PHF14: variants seen among roughly 807,000 people sequenced by gnomAD.
The protein encoded by PHF14 is PHD finger protein 14.
A neutral mutation model predicts 117.9 loss-of-function variants in PHF14; 55 were observed. That is an observed-to-expected ratio of 0.47 (90% confidence interval 0.38 to 0.58). The LOEUF (loss-of-function observed/expected upper bound fraction) is 0.58, where lower values mean the gene tolerates loss of function less well. Among genes scored for constraint, PHF14 ranks in the 20% least tolerant of loss-of-function variants. The pLI is 0.00. For missense variants in PHF14, 978 were observed against 1,122.2 expected (o/e 0.87, Z 1.84); for synonymous variants, 409 against 368.6 (o/e 1.11, Z -1.26).
chr7:11,164,980 A>G (rs573465229), intron 17 of PHF14, among the ~76,000 whole-genome samples: 105 of 152,252 alleles, frequency 6.9e-4, no homozygotes, highest in African/African-American at 2.4e-3. Flanking sequence ...GCTGCAGTGC[A>G]GTGGCGCGAT....
chr7:10,998,561 A>G (rs1215237961), intron 4 of PHF14, among the ~76,000 whole-genome samples: 1 of 152,228 alleles, frequency 6.6e-6, no homozygotes, highest in Non-Finnish European at 1.5e-5. Flanking sequence ...GTGGTAATGA[A>G]TACTGTTACT....
intron 17 of PHF14, among the ~76,000 whole-genome samples, chr7:11,164,812 T>G (rs2128358012): frequency 6.6e-6 from 1 of 152,332 alleles, no homozygotes; most frequent in South Asian, 2.1e-4. Context: ...TTTTACCAGT[T>G]TTCTCACTAA....
intron 6 of PHF14, among the ~76,000 whole-genome samples, chr7:11,027,167 C>G (rs754162931): frequency 6.6e-6 from 1 of 152,146 alleles, no homozygotes; most frequent in Non-Finnish European, 1.5e-5. Context: ...TCCAGATAAT[C>G]TAAACAATAT....
chr7:11,075,570 T>TTG (rs1349743098), intron 16 of PHF14, among the ~76,000 whole-genome samples: 3 of 64,584 alleles, frequency 4.6e-5, no homozygotes, highest in Admixed American at 4.5e-4. Context: ...AGAGGTTTTT[T>TTG]TTTTTTTTTT....
intron 3 of PHF14, among the ~76,000 whole-genome samples, chr7:10,983,711 T>C (rs1254385512): frequency 1.3e-5 from 2 of 152,158 alleles, no homozygotes; most frequent in Non-Finnish European, 2.9e-5. Flanking sequence ...GTATGGGACA[T>C]ACACATAAGT....
chr7:11,036,868 A>G (rs1204528452), intron 9 of PHF14, 117 bp from the exon 10 acceptor site: 5 of 943,702 alleles, frequency 5.3e-6, no homozygotes, highest in Non-Finnish European at 7.9e-6. Context: ...ATTTGTAAAT[A>G]TACTTAAAAG....
chr7:11,046,207 C>T (rs1057403270), intron 13 of PHF14, among the ~76,000 whole-genome samples: 2 of 152,120 alleles, frequency 1.3e-5, no homozygotes, highest in East Asian at 3.8e-4. Flanking sequence ...TGTACAATCT[C>T]CACACTGCCT....
At chr7:10,992,637 T>G (rs1782502957) in intron 4 of PHF14, among the ~76,000 whole-genome samples, 1 of 152,018 alleles carries the variant, frequency 6.6e-6, no homozygotes, top group Non-Finnish European at 1.5e-5. Context: ...TACTCCAGCC[T>G]GGGCGACAGA....
rs1192469895 is a variant in PHF14 at position 11,028,645 on chromosome 7, G to A, written c.1318-36G>A. The A allele has an allele frequency of 4.4e-6, 7 of 1,607,192 alleles. No homozygotes were observed. The African/African-American group carries it at 8.0e-5, about 18-fold the overall frequency. On this transcript the variant is annotated intron_variant, in intron 6 of 17. Coordinates refer to ENST00000634607, the MANE Select transcript of PHF14 (RefSeq NM_001007157.2). Reference sequence around the variant, plus strand: ...AATGCAGTCTTTAGTCTGGAAATAAGTTTGCTTTGAGAATTTTTCTGTTAC... The same window carrying A: ...AATGCAGTCTTTAGTCTGGAAATAAATTTGCTTTGAGAATTTTTCTGTTAC...
At chr7:11,080,131 C>G (rs1786034377) in intron 16 of PHF14, among the ~76,000 whole-genome samples, 1 of 151,956 alleles carries the variant, frequency 6.6e-6, no homozygotes, top group Non-Finnish European at 1.5e-5. Flanking sequence ...GAGAACATAC[C>G]AAGTGTAGTT....
At chr7:11,037,994 A>T (rs1416320697) in intron 10 of PHF14, among the ~76,000 whole-genome samples, 3 of 152,220 alleles carry the variant, frequency 2.0e-5, no homozygotes, top group Non-Finnish European at 2.9e-5. Flanking sequence ...ACTGTAAAAG[A>T]AGGTATAAAC....
At chr7:11,081,770 C>A (rs1281341598) in intron 16 of PHF14, among the ~76,000 whole-genome samples, 1 of 151,164 alleles carries the variant, frequency 6.6e-6, no homozygotes, top group Non-Finnish European at 1.5e-5. Flanking sequence ...GCAGGAGAAT[C>A]ACTTGAGCCC....
intron 16 of PHF14, chr7:11,105,847 C>T (rs1787242525): frequency 1.0e-6 from 1 of 984,262 alleles, no homozygotes; most frequent in Non-Finnish European, 1.2e-6. Flanking sequence ...AGATTGACAC[C>T]CAGCAATTAT....
chr7:11,017,101 G>C (rs1335087625), intron 5 of PHF14, among the ~76,000 whole-genome samples: 1 of 152,116 alleles, frequency 6.6e-6, no homozygotes, highest in East Asian at 1.9e-4. Flanking sequence ...TTATGGCTTA[G>C]TACTCCATTG....
At chr7:11,054,731 C>G (rs1311378573) in intron 14 of PHF14, among the ~76,000 whole-genome samples, 1 of 152,086 alleles carries the variant, frequency 6.6e-6, no homozygotes, top group Non-Finnish European at 1.5e-5. Flanking sequence ...TAATTTTTCT[C>G]TCCCATTGTT....
intron 16 of PHF14, among the ~76,000 whole-genome samples, chr7:11,088,442 C>G (rs574045063): frequency 3.9e-5 from 6 of 151,914 alleles, no homozygotes; most frequent in African/African-American, 1.2e-4. Flanking sequence ...AGTCCTATTT[C>G]CCAACATGAG....
At chr7:10,994,153 T>A (rs1468661540) in intron 4 of PHF14, among the ~76,000 whole-genome samples, 1 of 151,018 alleles carries the variant, frequency 6.6e-6, no homozygotes, top group Non-Finnish European at 1.5e-5. Flanking sequence ...AATGTAAAGA[T>A]CTCAGCCAAG....
intron 12 of PHF14, among the ~76,000 whole-genome samples, chr7:11,042,126 AC>A (rs1341842335): frequency 6.6e-6 from 1 of 151,904 alleles, no homozygotes; most frequent in Non-Finnish European, 1.5e-5. Context: ...TAATTTTTTT[AC>A]TTTTGAATTT....
chr7:11,153,105 A>G (rs1054119794), intron 17 of PHF14, among the ~76,000 whole-genome samples: 5 of 152,226 alleles, frequency 3.3e-5, no homozygotes, highest in African/African-American at 9.6e-5. Context: ...TCTTACAAAG[A>G]TTACTGTCTC....
Sources: gnomAD v4.1 joint callset for allele counts (sites outside exome capture counted in the v4.1 genomes callset) on GRCh38, gnomAD v4.1.1 for gene constraint, MANE v1.5 for transcripts, NCBI Gene and HGNC (gene_info 2026-07-23, HGNC 2026-07-21) for gene names.